CDKN2B-AS1: variants seen among roughly 807,000 people sequenced by gnomAD.
CDKN2B-AS1 encodes CDKN2B antisense RNA 1 (non-protein coding).
chr9:22,110,696 T>A (rs1445531151), intron 4 of CDKN2B-AS1, among the ~76,000 whole-genome samples: 1 of 152,048 alleles, frequency 6.6e-6, no homozygotes, highest in African/African-American at 2.4e-5. Context: ...AGAATTAAAA[T>A]TCAAAAACCC....
chr9:22,096,298 C>G (rs1206732726), intron 4 of CDKN2B-AS1: 3 of 152,106 alleles, frequency 2.0e-5, no homozygotes, highest in African/African-American at 7.2e-5. Context: ...ACTGTGTGAG[C>G]ATTAGAGAGA....
Position 22,092,941 on chromosome 9 carries a change from C to G in CDKN2B-AS1, n.439-34162C>G, listed in dbSNP as rs572826518. On this transcript the variant is annotated intron_variant and non_coding_transcript_variant, in intron 4 of 4. Coordinates refer to ENST00000650946, the Ensembl canonical transcript of CDKN2B-AS1. ...AGGGTGTCAATTTTAGATCTTTGCT[C>G]CTTTCTCTTGTGGGCATTTAGTGCT... is the stretch of plus-strand genomic sequence containing the variant. Among the ~76,000 whole-genome samples the G allele has an allele frequency of 4.1e-3, 617 of 152,088 alleles. 6 individuals are homozygous for G. Among genetic ancestry groups the G allele is most frequent in the African/African-American group, 0.014 (578 of 41,502 alleles).
chr9:22,114,291 A>C (rs994363648), intron 4 of CDKN2B-AS1, among the ~76,000 whole-genome samples: 4 of 152,176 alleles, frequency 2.6e-5, no homozygotes, highest in Non-Finnish European at 1.5e-5. Flanking sequence ...AATCATCCTA[A>C]ATACATTAAA....
Position 22,006,378 on chromosome 9 carries a change from A to G in CDKN2B-AS1, n.29+11217A>G. The G allele has an allele frequency of 6.3e-6, 8 of 1,262,620 alleles. No individual in the cohort carries two copies. In the South Asian group the frequency reaches 1.0e-4, roughly 16 times the overall value. 78.2% of individuals were successfully genotyped at this position (1,262,620 alleles called of 1,614,324 possible). On this transcript the variant is annotated intron_variant and non_coding_transcript_variant, in intron 1 of 4. Coordinates refer to ENST00000650946, the Ensembl canonical transcript of CDKN2B-AS1. The surrounding 1 kb of genome is among the most constrained non-coding windows in gnomAD (Gnocchi z 6.4). ...GTTTTCACCCAGTGCAGAGGTGTTC[A>G]GGTCTCTGATGTCTGGTGTTTCTTC...
At chr9:22,071,665 G>T (rs1824301174) in intron 4 of CDKN2B-AS1, among the ~76,000 whole-genome samples, 1 of 151,942 alleles carries the variant, frequency 6.6e-6, no homozygotes, top group South Asian at 2.1e-4. Flanking sequence ...GATTCTAAAT[G>T]GAAGTACACT....
At chr9:22,074,845 G>A (rs1563965183) in intron 4 of CDKN2B-AS1, among the ~76,000 whole-genome samples, 1 of 152,302 alleles carries the variant, frequency 6.6e-6, no homozygotes, top group East Asian at 1.9e-4. Flanking sequence ...AGCTTGCCAT[G>A]AAGGCTTTCA....
At chr9:22,089,415 T>G (rs567459658) in intron 4 of CDKN2B-AS1, among the ~76,000 whole-genome samples, 1 of 152,230 alleles carries the variant, frequency 6.6e-6, no homozygotes, top group Admixed American at 6.5e-5. Context: ...TGCTTTATAT[T>G]AAGAACCACA....
chr9:22,091,586 G>A (rs1011165840), intron 4 of CDKN2B-AS1, among the ~76,000 whole-genome samples: 4 of 152,156 alleles, frequency 2.6e-5, no homozygotes, highest in African/African-American at 9.7e-5. Context: ...TCTCTTTGAA[G>A]GAATTGTGAA....
rs1355899760 is a variant in CDKN2B-AS1, at chr9:21,996,419, T to C, written n.29+1258T>C. Among the ~76,000 whole-genome samples, 1 of 152,202 alleles carries C rather than the reference T, an allele frequency of 6.6e-6. No individual in the cohort carries two copies. Among genetic ancestry groups the C allele is most frequent in the East Asian group, 1.9e-4 (1 of 5,188 alleles). The stretch of plus-strand genomic sequence containing the variant: ...ACCTTTCTGTCTAGTATGGCTGCTC[T>C]TTCTCCCTCTTCGCAAATATAGCTC... On this transcript the variant is annotated intron_variant and non_coding_transcript_variant, in intron 1 of 4. Transcript: ENST00000650946. This position sits in a 1 kb window ranked among gnomAD's most constrained non-coding sequence, Gnocchi z 5.4.
chr9:22,012,207 A>G (rs904788549), intron 1 of CDKN2B-AS1: 8 of 1,404,936 alleles, frequency 5.7e-6, no homozygotes. Context: ...CTTGAGGTCG[A>G]GCCCAGTGAC....
chr9:22,080,934 G>T (rs933552716), intron 4 of CDKN2B-AS1, among the ~76,000 whole-genome samples: 3 of 152,152 alleles, frequency 2.0e-5, no homozygotes, highest in African/African-American at 7.2e-5. Flanking sequence ...TTTTGCATGA[G>T]AATTAGCCTA....
At chr9:22,096,701 G>A (rs1277565261) in intron 4 of CDKN2B-AS1, among the ~76,000 whole-genome samples, 1 of 152,064 alleles carries the variant, frequency 6.6e-6, no homozygotes, top group Non-Finnish European at 1.5e-5. Context: ...CTGTCCCACT[G>A]GCATTCCATC....
At chr9:22,018,065 T>A (rs973642892) in intron 1 of CDKN2B-AS1, among the ~76,000 whole-genome samples, 1 of 152,236 alleles carries the variant, frequency 6.6e-6, no homozygotes, top group African/African-American at 2.4e-5. Context: ...GGCTCACGCC[T>A]GTAATCCCAG....
chr9:22,008,965 C>A (rs1821346506), intron 1 of CDKN2B-AS1: 1 of 1,613,270 alleles, frequency 6.2e-7, no homozygotes, highest in Non-Finnish European at 8.5e-7. Context: ...CCGCAGCCCC[C>A]AGACGCGCAG....
At chr9:22,104,769 T>C (rs59906350) in intron 4 of CDKN2B-AS1, among the ~76,000 whole-genome samples, 4,983 of 152,326 alleles carry the variant, frequency 0.033, 235 homozygotes, top group African/African-American at 0.11. Context: ...ACCACTGTTA[T>C]TGTTCTCAAA....
chr9:22,028,467 T>A (rs1822330632), intron 1 of CDKN2B-AS1, among the ~76,000 whole-genome samples: 1 of 152,218 alleles, frequency 6.6e-6, no homozygotes, highest in East Asian at 1.9e-4. Context: ...AAACAAGACA[T>A]AGTTAAAATG....
chr9:22,071,138 C>G (rs1330684974), intron 4 of CDKN2B-AS1, among the ~76,000 whole-genome samples: 1 of 150,142 alleles, frequency 6.7e-6, no homozygotes, highest in Non-Finnish European at 1.5e-5. Context: ...TCAATTGCAA[C>G]TTAGGAGATA....
intron 4 of CDKN2B-AS1, among the ~76,000 whole-genome samples, chr9:22,060,577 C>A (rs1823775013): frequency 6.6e-6 from 1 of 152,222 alleles, no homozygotes; most frequent in African/African-American, 2.4e-5. Context: ...CAGTCCCTGC[C>A]TGTTACCCAG....
intron 4 of CDKN2B-AS1, among the ~76,000 whole-genome samples, chr9:22,106,701 T>A (rs1316172034): frequency 6.6e-6 from 1 of 152,174 alleles, no homozygotes; most frequent in East Asian, 1.9e-4. Context: ...GGTACATAAC[T>A]GGGGAAGGAG....
Sources: allele counts gnomAD v4.1 joint callset (sites outside exome capture counted in the v4.1 genomes callset), GRCh38; gene constraint gnomAD v4.1.1; non-coding constraint Gnocchi (gnomAD v3.1); transcripts MANE v1.5; gene names NCBI Gene and HGNC (gene_info 2026-07-23, HGNC 2026-07-21).